Variants in ANKRD28 observed in about 807,000 individuals in gnomAD.
The protein encoded by ANKRD28 is serine/threonine-protein phosphatase 6 regulatory ankyrin repeat subunit A.
ANKRD28 carries 44 observed loss-of-function variants against 126.5 expected under a neutral mutation model. The ratio of observed to expected loss-of-function variants is 0.35; its 90% confidence interval spans 0.27 to 0.45. ANKRD28 has a LOEUF of 0.45. Among genes scored for constraint, ANKRD28 ranks in the 20% least tolerant of loss-of-function variants. ANKRD28 has a pLI of 1.00. For missense variants in ANKRD28, 1,110 were observed against 1,316.6 expected (o/e 0.84, Z 2.43); for synonymous variants, 442 against 468.5 (o/e 0.94, Z 0.73).
chr3:15,758,673 G>A (rs1039365996), intron 3 of ANKRD28, among the ~76,000 whole-genome samples: 1 of 152,098 alleles, frequency 6.6e-6, no homozygotes, highest in African/African-American at 2.4e-5. Flanking sequence ...CCTTCCAAAG[G>A]AATCAATCCT....
intron 2 of ANKRD28, among the ~76,000 whole-genome samples, chr3:15,787,677 T>TTTA (rs1161583210): frequency 2.6e-5 from 4 of 152,172 alleles, no homozygotes; most frequent in Non-Finnish European, 5.9e-5. Context: ...GAAGAGATTT[T>TTTA]TTAAGAGCTC....
intron 1 of ANKRD28, among the ~76,000 whole-genome samples, chr3:15,824,551 T>C (rs2061017602): frequency 6.6e-6 from 1 of 152,216 alleles, no homozygotes; most frequent in Admixed American, 6.5e-5. Context: ...CTTTTCTATA[T>C]ACCAGCAATG....
At chr3:15,858,689 T>C (rs2061826580) in intron 1 of ANKRD28, among the ~76,000 whole-genome samples, 1 of 152,200 alleles carries the variant, frequency 6.6e-6, no homozygotes, top group Non-Finnish European at 1.5e-5. Flanking sequence ...GTCCGGATCC[T>C]TCAAAAGCCT....
intron 3 of ANKRD28, among the ~76,000 whole-genome samples, chr3:15,753,409 GTTTTCCCAC>G (rs2057977777): frequency 6.6e-6 from 1 of 152,306 alleles, no homozygotes; most frequent in Admixed American, 6.5e-5. Flanking sequence ...AGCGTCTTTC[GTTTTCCCAC>G]TTATCTGCTT....
At position 15,838,931 on chromosome 3, in the gene ANKRD28, G is replaced by A. The variant is rs1001306603; in HGVS notation, c.27+20446C>T. ...ATACAATGGAATACTATTCAGCAAC[G>A]AAGAACCAATTAATACATGTTACAA... On this transcript the variant is annotated intron_variant, in intron 1 of 27. Transcript: ENST00000399451. This position sits in a 1 kb window ranked among gnomAD's most constrained non-coding sequence, Gnocchi z 4.0. Among the ~76,000 whole-genome samples, 12 of 151,976 alleles carry A rather than the reference G, an allele frequency of 7.9e-5. No individual in the cohort carries two copies. Among genetic ancestry groups the A allele is most frequent in the African/African-American group, 2.2e-4 (9 of 41,308 alleles).
intron 13 of ANKRD28, among the ~76,000 whole-genome samples, chr3:15,709,104 T>C (rs2071870209): frequency 6.6e-6 from 1 of 152,316 alleles, no homozygotes; most frequent in African/African-American, 2.4e-5. Context: ...GCCTGCTGAA[T>C]GACTACAAAG....
At chr3:15,733,918 T>C (rs2654648) in intron 6 of ANKRD28, among the ~76,000 whole-genome samples, 70,762 of 152,110 alleles carry the variant, frequency 0.47, 19,421 homozygotes, top group Non-Finnish European at 0.6. Context: ...TATAACTGGT[T>C]TGAAATATAC....
At chr3:15,775,148 A>C (rs2059198833) in intron 2 of ANKRD28, among the ~76,000 whole-genome samples, 1 of 152,250 alleles carries the variant, frequency 6.6e-6, no homozygotes, top group Admixed American at 6.5e-5. Flanking sequence ...AAGTGGTGGG[A>C]TTACAGGCGT....
intron 1 of ANKRD28, among the ~76,000 whole-genome samples, chr3:15,820,182 C>T (rs1387994494): frequency 6.6e-6 from 1 of 152,138 alleles, no homozygotes; most frequent in African/African-American, 2.4e-5. Context: ...TATGCACCCA[C>T]TTGTGCAATA....
chr3:15,842,367 T>G lies in ANKRD28; in HGVS notation c.27+17010A>C, dbSNP rs1232464123. On this transcript the variant is annotated intron_variant, in intron 1 of 27. Transcript: ENST00000399451. ...CTAAAAATTAAAACAATTGAACTCA[T>G]GGAGACAGACAGTAGAAGGATGGTT... Among the ~76,000 whole-genome samples the G allele has an allele frequency of 6.7e-5, 10 of 148,752 alleles. 1 individual carries two copies. Among genetic ancestry groups the G allele is most frequent in the Admixed American group, 6.1e-4 (9 of 14,694 alleles).
intron 1 of ANKRD28, among the ~76,000 whole-genome samples, chr3:15,848,394 G>A (rs1162488180): frequency 1.3e-5 from 2 of 152,164 alleles, no homozygotes; most frequent in Non-Finnish European, 1.5e-5. Flanking sequence ...GCTAACAATA[G>A]CTGAATGTAG....
chr3:15,710,248 T>C (rs888642123), intron 12 of ANKRD28, among the ~76,000 whole-genome samples: 8 of 152,228 alleles, frequency 5.3e-5, no homozygotes, highest in Admixed American at 2.6e-4. Context: ...TTTACATATA[T>C]GTATCTTTAG....
At chr3:15,841,442 G>A (rs1303237268) in intron 1 of ANKRD28, among the ~76,000 whole-genome samples, 2 of 151,942 alleles carry the variant, frequency 1.3e-5, no homozygotes, top group African/African-American at 4.8e-5. Flanking sequence ...TTCACATCAA[G>A]TTAAAAAGCT....
Position 15,709,946 on chromosome 3 carries a change from AAC to A in ANKRD28, c.1338-212_1338-211del, listed in dbSNP as rs199781142. On this transcript the variant is annotated intron_variant, in intron 12 of 27. Transcript: ENST00000683139. Reference sequence around the variant, plus strand: ...TTACATATTGGCACACTGAGGAAATAACACACGATTCATGTTGTCATTGTTTA... The same window carrying A: ...TTACATATTGGCACACTGAGGAAATAACACGATTCATGTTGTCATTGTTTA... 4.1e-3 allele frequency among the ~76,000 whole-genome samples: 620 copies of A among 152,326 alleles called. 2 individuals carry two copies. The highest frequency in any genetic ancestry group is 0.023 in the East Asian group (118 of 5,190).
In ANKRD28 at chr3:15,816,012, A is replaced by G. The variant is rs1439665916; in HGVS notation, c.28-20706T>C. ...TAGAAGAGGCTTTACAGGTTTTCAT[A>G]ATTATGTTTTAATCTTGTTATATTA... On this transcript the variant is annotated intron_variant, in intron 1 of 27. Transcript: ENST00000399451. The surrounding 1 kb of genome is among the most constrained non-coding windows in gnomAD (Gnocchi z 5.0). Among the ~76,000 whole-genome samples the G allele has an allele frequency of 6.6e-6, 1 of 152,164 alleles. No homozygotes were observed. The highest frequency in any genetic ancestry group is 1.5e-5 in the Non-Finnish European group (1 of 68,028).
intron 3 of ANKRD28, among the ~76,000 whole-genome samples, chr3:15,762,204 A>C (rs1450292517): frequency 1.9e-3 from 66 of 34,558 alleles, no homozygotes; most frequent in South Asian, 6.1e-3. Flanking sequence ...AAAAAAAAAA[A>C]AAAAAAAAAC....
chr3:15,672,006 GTTCA>G (rs1668838224), intron 27 of ANKRD28, among the ~76,000 whole-genome samples: 1 of 152,042 alleles, frequency 6.6e-6, no homozygotes, highest in Non-Finnish European at 1.5e-5. Flanking sequence ...ACTGTAGTTG[GTTCA>G]TTTTCATTGT....
chr3:15,847,835 T>C (rs1264287427), intron 1 of ANKRD28, among the ~76,000 whole-genome samples: 4 of 152,232 alleles, frequency 2.6e-5, no homozygotes, highest in African/African-American at 9.6e-5. Context: ...CTTCCAGAAT[T>C]GATTCAAAAC....
In ANKRD28 at chr3:15,710,509, GTGT is replaced by G. The variant is rs370383097; in HGVS notation, c.1337+699_1337+701del. On this transcript the variant is annotated intron_variant, in intron 12 of 27. Transcript: ENST00000683139. Reference sequence around the variant, plus strand: ...CATCTCTACAACTTAGACTGTGCTGGTGTACTCTTGGTTCAACGTACTCGTCCT... The same window carrying G: ...CATCTCTACAACTTAGACTGTGCTGGACTCTTGGTTCAACGTACTCGTCCT... Among the ~76,000 whole-genome samples, 549 of 152,214 alleles carry G rather than the reference GTGT, an allele frequency of 3.6e-3. 7 individuals carry two copies. Among genetic ancestry groups the G allele is most frequent in the African/African-American group, 0.013 (530 of 41,538 alleles).
Sources: gnomAD v4.1 joint callset for allele counts (sites outside exome capture counted in the v4.1 genomes callset) on GRCh38, gnomAD v4.1.1 for gene constraint, Gnocchi (gnomAD v3.1) non-coding constraint, MANE v1.5 for transcripts, NCBI Gene and HGNC (gene_info 2026-07-23, HGNC 2026-07-21) for gene names.